MXRA8: variants seen among roughly 807,000 people sequenced by gnomAD.
MXRA8 encodes matrix remodeling associated 8.
Under a neutral mutation model 51.4 loss-of-function variants are expected in MXRA8, and 44 were observed. The observed-to-expected ratio is 0.86, with a 90% CI of 0.67 to 1.10. The LOEUF is 1.10. MXRA8 is among the 50% of genes least tolerant of loss of function. MXRA8 has a pLI of 0.00. For missense variants in MXRA8, 765 were observed against 638.9 expected (o/e 1.20, Z -2.13); for synonymous variants, 369 against 293.5 (o/e 1.26, Z -2.63).
At position 1,355,497 on chromosome 1, in the gene MXRA8, A is replaced by G; in HGVS notation, c.329T>C (p.Leu110Pro). ...GCCGTCGTCGAAGGCCGAGGCCGAG[A>G]GCTCCAGGCGGCCGCGGTCCCGCGC... ...YEARDRGRLE[L>P]SASAFDDGNF... The change falls in exon 3 of 10, where the codon CTC becomes CCC. Residue 110 changes from leucine (L) to proline (P), a missense_variant. Physicochemically the swap from Leu to Pro is moderately conservative, Grantham distance 98 (BLOSUM62 -3). Transcript: ENST00000309212. The G allele has an allele frequency of 2.0e-6, 3 of 1,511,028 alleles. No individual in the cohort carries two copies. The highest frequency in any genetic ancestry group is 2.6e-6 in the Non-Finnish European group (3 of 1,141,208). 93.6% of individuals were successfully genotyped at this position (1,511,028 alleles called of 1,614,324 possible). A position where few individuals can be genotyped will look rare whatever the true frequency, so the allele number is the denominator to read the frequency against.
chr1:1,359,188 A>G, upstream of MXRA8: 1 of 985,354 alleles, frequency 1.0e-6, no homozygotes, highest in African/African-American at 1.7e-5. Flanking sequence ...GAGCACTGGG[A>G]GGCCTGGGGG....
chr1:1,354,535 G>A (rs959362585), intron 5 of MXRA8, 26 bp from the exon 6 acceptor site: 4 of 1,607,160 alleles, frequency 2.5e-6, no homozygotes, highest in East Asian at 2.2e-5. Flanking sequence ...GGTCGGGGCG[G>A]CGTCAGGTAC....
upstream of MXRA8, among the ~76,000 whole-genome samples, chr1:1,360,955 GAC>G (rs1234989292): frequency 2.0e-5 from 3 of 146,812 alleles, no homozygotes; most frequent in Non-Finnish European, 3.0e-5. Context: ...TGCACATGAA[GAC>G]ACGGAGACAC....
In MXRA8 at chr1:1,354,449, T is replaced by TG. The variant is rs1557681618; in HGVS notation, c.1009dup (p.His337ProfsTer50). 4.3e-6 allele frequency: 7 copies of TG among 1,612,348 alleles called. No homozygotes were observed. The South Asian group carries it at 7.7e-5, about 18-fold the overall frequency. On this transcript the variant is annotated frameshift_variant, in exon 6 of 10. Coordinates refer to ENST00000309212, the MANE Select transcript of MXRA8 (RefSeq NM_032348.4). LOFTEE classifies it high-confidence loss of function. Reference sequence around the variant, plus strand: ...CACGTAGCCCAGCTGCTGGAAGAAGTGGGCTCGGCTCTCGGGGACGATGAC... The same window carrying TG: ...CACGTAGCCCAGCTGCTGGAAGAAGTGGGGCTCGGCTCTCGGGGACGATGAC...
rs368619391 is a variant in MXRA8, at chr1:1,355,329, G to A, written c.393C>T (p.Asp131=). The change falls in exon 4 of 10, where the codon GAC becomes GAT. Residue 131 remains aspartate (D), a synonymous_variant. Coordinates refer to ENST00000309212, the MANE Select transcript of MXRA8 (RefSeq NM_032348.4). The part of the protein sequence containing the change: ...SLLIRAVEET[D]AGLYTCNLHH... ...GCAGGTTGCAGGTGTACAGCCCCGC[G>A]TCCGTCTCCTCCACCGCTGCGCACC... is the stretch of plus-strand genomic sequence containing the variant. The A allele has an allele frequency of 1.9e-6, 3 of 1,576,842 alleles. No homozygotes were observed. Among genetic ancestry groups the A allele is most frequent in the Non-Finnish European group, 2.6e-6 (3 of 1,165,292 alleles).
upstream of MXRA8, chr1:1,359,270 T>C (rs1020934836): frequency 7.1e-6 from 7 of 985,260 alleles, no homozygotes; most frequent in Middle Eastern, 5.2e-4. Flanking sequence ...TGCAGCCTGG[T>C]GTCCCTGAAA....
upstream of MXRA8, chr1:1,361,588 T>C (rs1644223585): frequency 2.0e-5 from 9 of 451,136 alleles, no homozygotes; most frequent in South Asian, 1.7e-4. Flanking sequence ...CCAGGGACCC[T>C]GTGTGTGTGG....
upstream of MXRA8, among the ~76,000 whole-genome samples, chr1:1,362,607 C>T (rs1237299790): frequency 1.3e-5 from 2 of 151,836 alleles, no homozygotes; most frequent in Non-Finnish European, 2.9e-5. Flanking sequence ...TGGTGAAACC[C>T]TGTCTCTACT....
In MXRA8 at chr1:1,355,520, C is replaced by A; in HGVS notation, c.306G>T (p.Ala102=). The change falls in exon 3 of 10, where the codon GCG becomes GCT. Residue 102 remains alanine (A), a synonymous_variant. Coordinates refer to ENST00000309212, the MANE Select transcript of MXRA8 (RefSeq NM_032348.4). ...YSAGEQRVYE[A]RDRGRLELSA... Reference sequence around the variant, plus strand: ...AGAGCTCCAGGCGGCCGCGGTCCCGCGCCTCGTACACGCGCTGCTCGCCCG... The same window carrying A: ...AGAGCTCCAGGCGGCCGCGGTCCCGAGCCTCGTACACGCGCTGCTCGCCCG... 6.7e-7 allele frequency: 1 copy of A among 1,500,776 alleles called. No homozygotes were observed. Among genetic ancestry groups the A allele is most frequent in the East Asian group, 2.8e-5 (1 of 36,354 alleles). The allele number at this position is 1,500,776 out of a possible 1,614,324, so 93.0% of individuals were successfully genotyped here.
In MXRA8 at chr1:1,353,304, G is replaced by A. The variant is rs2100794521; in HGVS notation, c.*300C>T. The A allele has an allele frequency of 1.3e-6, 2 of 1,549,334 alleles. No homozygotes were observed. Among genetic ancestry groups the A allele is most frequent in the Non-Finnish European group, 1.7e-6 (2 of 1,146,356 alleles). On this transcript the variant is annotated 3_prime_UTR_variant, in exon 10 of 10. Coordinates refer to ENST00000309212, the MANE Select transcript of MXRA8 (RefSeq NM_032348.4). Reference sequence around the variant, plus strand: ...GGAGTGTCCTCCAGGAATGTCTTCAGGCCCCCAGCGGGCAGAGCCCAGAAG... The same window carrying A: ...GGAGTGTCCTCCAGGAATGTCTTCAAGCCCCCAGCGGGCAGAGCCCAGAAG...
chr1:1,358,348 A>C, intron 1 of MXRA8, 108 bp downstream of exon 1: 4 of 1,242,122 alleles, frequency 3.2e-6, no homozygotes, highest in Non-Finnish European at 4.4e-6. Context: ...CCCTGGTGGG[A>C]CCTTCCCACT....
upstream of MXRA8, chr1:1,359,203 G>A: frequency 1.0e-6 from 1 of 985,394 alleles, no homozygotes; most frequent in African/African-American, 1.7e-5. Flanking sequence ...TGGGGGTGCT[G>A]GGGTGAGCAG....
At chr1:1,354,576 G>C in intron 5 of MXRA8, 67 bp from the exon 6 acceptor site, 1 of 1,569,490 alleles carries the variant, frequency 6.4e-7, no homozygotes, top group Non-Finnish European at 8.6e-7. Context: ...CCCGGGCCAC[G>C]GCCCCCGCTG....
upstream of MXRA8, among the ~76,000 whole-genome samples, chr1:1,362,425 A>G (rs922945844): frequency 1.3e-5 from 2 of 151,838 alleles, no homozygotes; most frequent in Non-Finnish European, 2.9e-5. Flanking sequence ...GTACACACAC[A>G]TCGCCCCGGA....
At chr1:1,356,408 G>A (rs1234582803) in intron 2 of MXRA8, among the ~76,000 whole-genome samples, 1 of 140,402 alleles carries the variant, frequency 7.1e-6, no homozygotes, top group African/African-American at 2.7e-5. Flanking sequence ...AGTCAGTGGG[G>A]GCATCTGTGG....
upstream of MXRA8, among the ~76,000 whole-genome samples, chr1:1,362,395 G>A (rs1214189087): frequency 6.6e-6 from 1 of 152,214 alleles, no homozygotes; most frequent in East Asian, 1.9e-4. Flanking sequence ...ACATGCAAAT[G>A]CAGTGAGACG....
upstream of MXRA8, among the ~76,000 whole-genome samples, chr1:1,363,068 C>T (rs1415889819): frequency 2.0e-5 from 3 of 147,202 alleles, no homozygotes; most frequent in South Asian, 2.1e-4. Context: ...GGTGATAGGG[C>T]GAGACTCCGT....
At chr1:1,359,991 C>T (rs1644200411), upstream of MXRA8, among the ~76,000 whole-genome samples, 1 of 152,232 alleles carries the variant, frequency 6.6e-6, no homozygotes, top group Non-Finnish European at 1.5e-5. Context: ...CCTCTGCAGT[C>T]TCTGTCTCCT....
rs1644086565 is a variant in MXRA8 at position 1,354,818 on chromosome 1, G to C, written c.813C>G (p.Ser271=). 1 of 1,612,180 alleles carries C rather than the reference G, an allele frequency of 6.2e-7. No individual in the cohort carries two copies. The highest frequency in any genetic ancestry group is 1.7e-5 in the Admixed American group (1 of 59,986). ...PLEVADEGTY[S]CHLHHHYCGL... The stretch of plus-strand genomic sequence containing the variant: ...CACAGTAATGGTGGTGCAGGTGGCA[G>C]GAGTAGGTGCCCTCGTCGGCGACCT... Residue 271 remains serine (S), a synonymous_variant, in exon 5 of 10, where the codon TCC becomes TCG. Coordinates refer to ENST00000309212, the MANE Select transcript of MXRA8 (RefSeq NM_032348.4).
Sources: gnomAD v4.1 joint callset for allele counts (sites outside exome capture counted in the v4.1 genomes callset) on GRCh38, gnomAD v4.1.1 for gene constraint, MANE v1.5 for transcripts, NCBI Gene and HGNC (gene_info 2026-07-23, HGNC 2026-07-21) for gene names.